The following RBFOX1 variants were observed in gnomAD, a reference collection of about 807,000 sequenced individuals.
RBFOX1 encodes RNA binding fox-1 homolog 1, also known as RNA binding protein fox-1 homolog 1.
A neutral mutation model predicts 57.7 loss-of-function variants in RBFOX1; 8 were observed. The ratio of observed to expected loss-of-function variants is 0.14; its 90% CI spans 0.08 to 0.25. RBFOX1 has a LOEUF of 0.25. Ranked by LOEUF, RBFOX1 falls within the 10% of genes least tolerant of loss-of-function variation. RBFOX1 has a pLI of 1.00. For synonymous variants in RBFOX1, 326 were observed against 222.4 expected, an observed-to-expected ratio of 1.47 and a Z score of -4.15; for missense variants, 611 against 548.5, an observed-to-expected ratio of 1.11 and a Z score of -1.14.
chr16:6,733,831 G>C (rs777661104), intron 3 of RBFOX1, among the ~76,000 whole-genome samples: 2 of 152,218 alleles, frequency 1.3e-5, no homozygotes, highest in African/African-American at 4.8e-5. Context: ...CTGCTGGAAA[G>C]CAGGAGCTCA....
intron 1 of RBFOX1, among the ~76,000 whole-genome samples, chr16:5,367,653 C>T (rs1422700461): frequency 6.6e-6 from 1 of 152,162 alleles, no homozygotes; most frequent in Non-Finnish European, 1.5e-5. Context: ...CTGCTCTGTG[C>T]CAAGAATTGT....
Position 5,917,284 on chromosome 16 carries a change from A to G in RBFOX1, c.351+49949A>G, listed in dbSNP as rs144163533. Among the ~76,000 whole-genome samples the G allele has an allele frequency of 1.3e-3, 196 of 152,270 alleles. 3 individuals carry two copies. The highest frequency in any genetic ancestry group is 4.6e-3 in the African/African-American group (193 of 41,532). On this transcript the variant is annotated intron_variant, in intron 4 of 19. Coordinates refer to the RBFOX1 transcript ENST00000641259. ...TGCCCATGGAAGCGTGATAATATTGATAATAACATAATGGAGAATACTCAG... is the reference window on the plus strand; with the variant it reads ...TGCCCATGGAAGCGTGATAATATTGGTAATAACATAATGGAGAATACTCAG...
intron 3 of RBFOX1, among the ~76,000 whole-genome samples, chr16:6,827,359 T>C (rs570946002): frequency 1.3e-5 from 2 of 152,072 alleles, no homozygotes; most frequent in Non-Finnish European, 2.9e-5. Flanking sequence ...AATGGGAAGA[T>C]GTGTTGTGTG....
chr16:6,748,964 G>C (rs1316856023), intron 3 of RBFOX1: 1 of 152,108 alleles, frequency 6.6e-6, no homozygotes, highest in Non-Finnish European at 1.5e-5. Flanking sequence ...TTGCTAGAAA[G>C]TTCTCTCCTA....
rs148442490 is a variant in RBFOX1, at chr16:7,153,578, A to G, written c.27+101480A>G. 7.4e-3 allele frequency among the ~76,000 whole-genome samples: 1,124 copies of G among 151,684 alleles called. 17 individuals are homozygous for G. The highest frequency in any genetic ancestry group is 0.026 in the African/African-American group (1,057 of 41,272). On this transcript the variant is annotated intron_variant, in intron 4 of 15. Transcript: ENST00000550418. The stretch of plus-strand genomic sequence containing the variant: ...GTGAAACCCCATCTCTACTGAAAAA[A>G]CAAAAATTAGCCAGGCATGGTGATG...
At chr16:5,578,852 T>C (rs1316601775) in intron 2 of RBFOX1, among the ~76,000 whole-genome samples, 1 of 146,940 alleles carries the variant, frequency 6.8e-6, no homozygotes, top group Non-Finnish European at 1.5e-5. Context: ...CCCTTTTTTT[T>C]TTTTTTTTTT....
chr16:5,821,249 C>A (rs1054100958), intron 3 of RBFOX1, among the ~76,000 whole-genome samples: 1 of 151,780 alleles, frequency 6.6e-6, no homozygotes, highest in African/African-American at 2.4e-5. Flanking sequence ...CACTTTCCAT[C>A]CCAGTTGGGG....
intron 2 of RBFOX1, among the ~76,000 whole-genome samples, chr16:6,356,824 A>G (rs2087411523): frequency 6.6e-6 from 1 of 152,232 alleles, no homozygotes; most frequent in South Asian, 2.1e-4. Context: ...TTCCAATCAA[A>G]GATGTTAATA....
At chr16:6,977,665 C>G (rs1175561263) in intron 3 of RBFOX1, among the ~76,000 whole-genome samples, 2 of 152,090 alleles carry the variant, frequency 1.3e-5, no homozygotes, top group Non-Finnish European at 2.9e-5. Flanking sequence ...CTGGCACTAA[C>G]CGAGTGCCAA....
chr16:5,585,271 A>G (rs2046794413), intron 2 of RBFOX1, among the ~76,000 whole-genome samples: 1 of 152,022 alleles, frequency 6.6e-6, no homozygotes, highest in Admixed American at 6.6e-5. Flanking sequence ...AATGTATGGT[A>G]TTGGTAACTG....
At chr16:6,555,665 A>G (rs1398567281) in intron 2 of RBFOX1, among the ~76,000 whole-genome samples, 3 of 152,024 alleles carry the variant, frequency 2.0e-5, no homozygotes, top group African/African-American at 4.8e-5. Context: ...ATGCCACTGC[A>G]CTCCAGCCTG....
intron 5 of RBFOX1, among the ~76,000 whole-genome samples, chr16:7,555,660 C>G (rs1012936465): frequency 6.6e-6 from 1 of 152,164 alleles, no homozygotes; most frequent in Non-Finnish European, 1.5e-5. Flanking sequence ...CTGTACCAGC[C>G]TCACGCTTCA....
At chr16:6,682,590 C>G (rs1208027514) in intron 3 of RBFOX1, among the ~76,000 whole-genome samples, 1 of 151,944 alleles carries the variant, frequency 6.6e-6, no homozygotes, top group African/African-American at 2.4e-5. Flanking sequence ...ATTGTGGGTG[C>G]TGAGCAGCAG....
At position 5,922,552 on chromosome 16, in the gene RBFOX1, C is replaced by T. The variant is rs942300069; in HGVS notation, c.351+55217C>T. On this transcript the variant is annotated intron_variant, in intron 4 of 19. Coordinates refer to the RBFOX1 transcript ENST00000641259. ...CTTCTGAATGGTCACCATCTCCCTG[C>T]TGGACCCAGAACCCAGGTGAAGTGT... Among the ~76,000 whole-genome samples the T allele has an allele frequency of 3.9e-5, 6 of 152,160 alleles. No homozygotes were observed. The East Asian group carries it at 9.7e-4, about 24-fold the overall frequency.
At chr16:7,366,405 T>C (rs564330858) in intron 4 of RBFOX1, among the ~76,000 whole-genome samples, 3 of 152,102 alleles carry the variant, frequency 2.0e-5, no homozygotes, top group Non-Finnish European at 4.4e-5. Context: ...CCCTGACATT[T>C]ATGGCTGAGC....
chr16:5,714,401 A>G (rs989504570), intron 3 of RBFOX1, among the ~76,000 whole-genome samples: 6 of 152,196 alleles, frequency 3.9e-5, no homozygotes, highest in Admixed American at 6.5e-5. Context: ...GTCACTGGAA[A>G]TGGATACAGA....
chr16:6,197,561 T>TC (rs79856954), intron 1 of RBFOX1, among the ~76,000 whole-genome samples: 45,453 of 151,810 alleles, frequency 0.3, 7,948 homozygotes, highest in Middle Eastern at 0.42. Flanking sequence ...TGCTTCTGTT[T>TC]CCCGCAAAGA....
chr16:5,369,505 C>A (rs1309615427), intron 1 of RBFOX1, among the ~76,000 whole-genome samples: 1 of 152,224 alleles, frequency 6.6e-6, no homozygotes, highest in Non-Finnish European at 1.5e-5. Context: ...TCATTTAATG[C>A]TGAGGACGTT....
At chr16:6,140,304 G>T (rs559219906) in intron 1 of RBFOX1, among the ~76,000 whole-genome samples, 2 of 151,606 alleles carry the variant, frequency 1.3e-5, no homozygotes, top group African/African-American at 4.8e-5. Context: ...CGATTGTCCT[G>T]CTTCAGCCCC....
Sources: allele counts gnomAD v4.1 joint callset (sites outside exome capture counted in the v4.1 genomes callset), GRCh38; gene constraint gnomAD v4.1.1; transcripts MANE v1.5; gene names NCBI Gene and HGNC (gene_info 2026-07-23, HGNC 2026-07-21).